The following HCRTR1 variants were observed in gnomAD, a reference collection of about 807,000 sequenced individuals.
The protein encoded by HCRTR1 is orexin/Hypocretin receptor type 1.
HCRTR1 carries 28 observed loss-of-function variants against 40.6 expected under a neutral mutation model. The observed-to-expected ratio is 0.69, with a 90% CI of 0.51 to 0.95. The LOEUF (loss-of-function observed/expected upper bound fraction) is 0.95, where lower values mean the gene tolerates loss of function less well. Ranked by LOEUF, HCRTR1 falls within the 40% of genes least tolerant of loss-of-function variation. HCRTR1 has a pLI of 0.00. For missense variants in HCRTR1, 482 were observed against 564.7 expected (o/e 0.85, Z 1.48); for synonymous variants, 209 against 230.0 (o/e 0.91, Z 0.83).
chr1:31,624,448 C>A (rs1445916632), intron 7 of HCRTR1, among the ~76,000 whole-genome samples: 93 of 111,024 alleles, frequency 8.4e-4, no homozygotes, highest in East Asian at 2.7e-3. Context: ...ACAGCTGTCT[C>A]AAAAAAAAAA....
At chr1:31,621,412 T>C (rs915756472) in intron 5 of HCRTR1, 65 bp from the exon 6 acceptor site, 15 of 1,246,126 alleles carry the variant, frequency 1.2e-5, no homozygotes, top group Non-Finnish European at 1.4e-5. Context: ...CAGGGTGGCA[T>C]TGCTAACCAG....
chr1:31,634,198 T>A (rs562637098), downstream of HCRTR1, among the ~76,000 whole-genome samples: 39 of 152,164 alleles, frequency 2.6e-4, no homozygotes, highest in Non-Finnish European at 7.3e-5. Flanking sequence ...GTTCTAGCCA[T>A]CTTCCTAAAA....
At position 31,626,974 on chromosome 1, in the gene HCRTR1, GC is replaced by G. The variant is rs1639992830; in HGVS notation, c.1275del (p.Ter426GlufsTer56). The G allele has an allele frequency of 6.2e-7, 1 of 1,611,184 alleles. No homozygotes were observed. The highest frequency in any genetic ancestry group is 8.5e-7 in the Non-Finnish European group (1 of 1,179,514). ...VVLTSVTTVL[P>X] ...TGCTCACCAGCGTCACCACAGTGCTGCCCTGAGCGAGGGCTGCCCTGGAGGC... is the reference window on the plus strand; with the variant it reads ...TGCTCACCAGCGTCACCACAGTGCTGCCTGAGCGAGGGCTGCCCTGGAGGC... On this transcript the variant is annotated frameshift_variant, in exon 9 of 9. Transcript: ENST00000403528. LOFTEE classifies it high-confidence loss of function. This position sits in a 1 kb window ranked among gnomAD's most constrained non-coding sequence, Gnocchi z 4.6.
downstream of HCRTR1, chr1:31,632,555 G>C: frequency 6.2e-7 from 1 of 1,614,224 alleles, no homozygotes; most frequent in South Asian, 1.1e-5. Context: ...TGCTGGAAGA[G>C]GTTCTTCCAC....
At chr1:31,621,216 A>G (rs1379698964) in intron 5 of HCRTR1, 130 bp downstream of exon 5, 4 of 1,260,878 alleles carry the variant, frequency 3.2e-6, no homozygotes, top group Admixed American at 2.5e-5. Flanking sequence ...CCTAGGGGAC[A>G]CCCTAGACTG....
At position 31,621,379 on chromosome 1, in the gene HCRTR1, C is replaced by T. The variant is rs1228172958; in HGVS notation, c.623-98C>T. 3.1e-6 allele frequency: 3 copies of T among 965,722 alleles called. No homozygotes were observed. The African/African-American group carries it at 4.8e-5, about 15-fold the overall frequency. The allele number at this position is 965,722 out of a possible 1,614,324, so 59.8% of individuals were successfully genotyped here. A position where few individuals can be genotyped will look rare whatever the true frequency, so the allele number is the denominator to read the frequency against. The stretch of plus-strand genomic sequence containing the variant: ...TGTATGGGGTCCAGCTGCTCCTAGG[C>T]CTTGCTTTGGCCGTAGTCAGGACAG... On this transcript the variant is annotated intron_variant, in intron 5 of 8. Coordinates refer to ENST00000403528, the MANE Select transcript of HCRTR1 (RefSeq NM_001525.3).
In HCRTR1 at chr1:31,626,322, G is replaced by A. The variant is rs1325122328; in HGVS notation, c.1088-468G>A. Among the ~76,000 whole-genome samples the A allele has an allele frequency of 6.6e-6, 1 of 152,216 alleles. No individual in the cohort carries two copies. The highest frequency in any genetic ancestry group is 1.5e-5 in the Non-Finnish European group (1 of 68,046). On this transcript the variant is annotated intron_variant, in intron 8 of 8. Transcript: ENST00000403528. This position sits in a 1 kb window ranked among gnomAD's most constrained non-coding sequence, Gnocchi z 4.6. ...TGTGAAGTGAGGATAAAGGACTCCA[G>A]CCTTTCAGGGTGCTGGGATGCTCTG...
downstream of HCRTR1, chr1:31,632,446 G>A (rs372657918): frequency 1.4e-4 from 224 of 1,613,754 alleles, 1 homozygote; most frequent in Middle Eastern, 1.6e-4. Context: ...GGTGTAAAGA[G>A]AAGAGTCTAG....
chr1:31,632,427 G>A (rs372957064), downstream of HCRTR1: 25 of 1,609,754 alleles, frequency 1.6e-5, no homozygotes, highest in African/African-American at 3.1e-4. Flanking sequence ...CCCCTTTGTT[G>A]TATCTTAGGG....
In HCRTR1 at chr1:31,625,262, C is replaced by A; in HGVS notation, c.1087+144C>A. On this transcript the variant is annotated intron_variant, in intron 8 of 8. Transcript: ENST00000403528. The surrounding 1 kb of genome is among the most constrained non-coding windows in gnomAD (Gnocchi z 4.2). Reference sequence around the variant, plus strand: ...GCACAGTGATCCTGCTCTGGGAGGACCCACCCCAAGCGGCCCTGGCCTGAG... The same window carrying A: ...GCACAGTGATCCTGCTCTGGGAGGAACCACCCCAAGCGGCCCTGGCCTGAG... 1.9e-6 allele frequency: 2 copies of A among 1,060,948 alleles called. No individual in the cohort carries two copies. The highest frequency in any genetic ancestry group is 2.6e-6 in the Non-Finnish European group (2 of 769,590). 65.7% of individuals were successfully genotyped at this position (1,060,948 alleles called of 1,614,324 possible).
intron 7 of HCRTR1, 37 bp downstream of exon 7, chr1:31,623,786 T>C (rs780888886): frequency 2.4e-5 from 37 of 1,534,546 alleles, no homozygotes; most frequent in Admixed American, 3.5e-5. Context: ...GGGGAGAAGT[T>C]TGAGGTTGGG....
At chr1:31,630,898 A>C, downstream of HCRTR1, 2 of 1,376,628 alleles carry the variant, frequency 1.5e-6, no homozygotes, top group Non-Finnish European at 2.0e-6. Context: ...GAGCACCTCC[A>C]TCAATCAGGA....
downstream of HCRTR1, chr1:31,630,441 ATT>A: frequency 1.5e-6 from 1 of 688,052 alleles, no homozygotes; most frequent in South Asian, 1.8e-5. Flanking sequence ...GGTCCTCACT[ATT>A]TGGTGGCTAT....
rs200293787 is a variant in HCRTR1 at position 31,619,369 on chromosome 1, G to A, written c.177G>A (p.Val59=). 2.5e-5 allele frequency: 40 copies of A among 1,614,078 alleles called. No homozygotes were observed. The highest frequency in any genetic ancestry group is 3.1e-5 in the Non-Finnish European group (37 of 1,180,034). ...LIAAYVAVFV[V]ALVGNTLVCL... ...CAGCCTATGTGGCTGTGTTCGTCGT[G>A]GCCCTGGTGGGCAACACGCTGGGTA... The change falls in exon 3 of 9, where the codon GTG becomes GTA. Residue 59 remains valine, a synonymous_variant. Transcript: ENST00000403528.
intron 6 of HCRTR1, 89 bp from the exon 7 acceptor site, chr1:31,623,434 G>C: frequency 9.2e-7 from 1 of 1,083,392 alleles, no homozygotes; most frequent in Non-Finnish European, 1.3e-6. Flanking sequence ...CACCCTGCCC[G>C]GGGTCCAGCC....
downstream of HCRTR1, chr1:31,632,199 A>G: frequency 3.3e-6 from 2 of 603,098 alleles, no homozygotes; most frequent in Non-Finnish European, 3.0e-6. Context: ...CTGGTCTCAT[A>G]GTCCTTAAGG....
downstream of HCRTR1, chr1:31,630,927 T>C: frequency 8.7e-7 from 1 of 1,147,244 alleles, no homozygotes; most frequent in Non-Finnish European, 1.3e-6. Context: ...TCACAACAGT[T>C]CAAGGAACTT....
rs1277012140 is a variant in HCRTR1 at position 31,619,306 on chromosome 1, T to C, written c.114T>C (p.Asp38=). The C allele has an allele frequency of 6.2e-7, 1 of 1,614,080 alleles. No homozygotes were observed. Among genetic ancestry groups the C allele is most frequent in the Non-Finnish European group, 8.5e-7 (1 of 1,180,028 alleles). ...AGTTTCTCCGCTATCTGTGGCGCGATTATCTGTACCCAAAACAGTATGAGT... is the reference window on the plus strand; with the variant it reads ...AGTTTCTCCGCTATCTGTGGCGCGACTATCTGTACCCAAAACAGTATGAGT... ...EDEFLRYLWR[D]YLYPKQYEWV... The change falls in exon 3 of 9, where the codon GAT becomes GAC. Residue 38 remains aspartate, a synonymous_variant. Coordinates refer to ENST00000403528, the MANE Select transcript of HCRTR1 (RefSeq NM_001525.3).
At chr1:31,624,942 C>T in intron 7 of HCRTR1, 55 bp from the exon 8 acceptor site, 1 of 1,515,756 alleles carries the variant, frequency 6.6e-7, no homozygotes, top group Non-Finnish European at 8.9e-7. Flanking sequence ...AGCACTCCCC[C>T]AGTACATGCA....
Sources: gnomAD v4.1 joint callset for allele counts (sites outside exome capture counted in the v4.1 genomes callset) on GRCh38, gnomAD v4.1.1 for gene constraint, Gnocchi (gnomAD v3.1) non-coding constraint, MANE v1.5 for transcripts, NCBI Gene and HGNC (gene_info 2026-07-23, HGNC 2026-07-21) for gene names.